NLGN1: variants seen among roughly 807,000 people sequenced by gnomAD.
NLGN1 encodes neuroligin 1.
A neutral mutation model predicts 65.5 loss-of-function variants in NLGN1; 12 were observed. The ratio of observed to expected loss-of-function variants is 0.18; its 90% confidence interval spans 0.12 to 0.30. NLGN1 has a LOEUF of 0.30. Ranked by LOEUF, NLGN1 falls within the 10% of genes least tolerant of loss-of-function variation. The pLI is 1.00. For missense variants in NLGN1, 750 were observed against 1,007.1 expected, an observed-to-expected ratio of 0.74 and a Z score of 3.46; for synonymous variants, 350 against 359.5, an observed-to-expected ratio of 0.97 and a Z score of 0.30.
intron 4 of NLGN1, among the ~76,000 whole-genome samples, chr3:173,944,128 T>G (rs895623207): frequency 1.9e-4 from 27 of 142,252 alleles, no homozygotes; most frequent in African/African-American, 5.1e-4. Flanking sequence ...ATTATGGGTG[T>G]GTGTGTGTGT....
chr3:173,747,547 C>T (rs935934949), intron 3 of NLGN1, among the ~76,000 whole-genome samples: 27 of 150,252 alleles, frequency 1.8e-4, no homozygotes, highest in Admixed American at 4.0e-4. Flanking sequence ...AAGTCCTGTT[C>T]GAATCTCAAG....
chr3:173,611,554 G>T (rs1356257775), intron 3 of NLGN1, among the ~76,000 whole-genome samples: 2 of 152,022 alleles, frequency 1.3e-5, no homozygotes, highest in Non-Finnish European at 2.9e-5. Flanking sequence ...GTTTGAAGAT[G>T]AATGTAAAAC....
chr3:173,539,824 T>C (rs1274104292), intron 2 of NLGN1, among the ~76,000 whole-genome samples: 1 of 132,880 alleles, frequency 7.5e-6, no homozygotes, highest in Non-Finnish European at 1.6e-5. Context: ...ACATATGTTA[T>C]ATATGTATAT....
intron 3 of NLGN1, among the ~76,000 whole-genome samples, chr3:173,724,888 A>G (rs574327156): frequency 1.3e-5 from 2 of 152,292 alleles, no homozygotes; most frequent in East Asian, 3.9e-4. Context: ...TTGTAGGGAC[A>G]TGGACGAAGC....
At chr3:173,862,521 A>G (rs938662503) in intron 4 of NLGN1, among the ~76,000 whole-genome samples, 8 of 150,008 alleles carry the variant, frequency 5.3e-5, no homozygotes, top group South Asian at 4.2e-4. Flanking sequence ...AAAAAAAAAA[A>G]AAAAAAAAAG....
intron 3 of NLGN1, among the ~76,000 whole-genome samples, chr3:173,745,242 A>C (rs1775191616): frequency 6.6e-6 from 1 of 152,034 alleles, no homozygotes; most frequent in African/African-American, 2.4e-5. Context: ...TGAAGAAAAA[A>C]GGGAAACGGA....
intron 4 of NLGN1, among the ~76,000 whole-genome samples, chr3:174,154,874 GTAGA>G (rs1021987733): frequency 1.1e-4 from 13 of 123,180 alleles, no homozygotes; most frequent in Admixed American, 5.0e-4. Flanking sequence ...AGTATATATA[GTAGA>G]TAGATATAAA....
intron 4 of NLGN1, among the ~76,000 whole-genome samples, chr3:173,964,405 G>A (rs1190247864): frequency 6.6e-6 from 1 of 152,162 alleles, no homozygotes; most frequent in African/African-American, 2.4e-5. Context: ...TCAGGAAAGT[G>A]AAGGACTTGC....
chr3:174,057,989 G>A (rs1456420725), intron 4 of NLGN1: 1 of 152,080 alleles, frequency 6.6e-6, no homozygotes, highest in African/African-American at 2.4e-5. Context: ...ATTGGCATAG[G>A]TTATGATTTT....
At chr3:173,866,579 T>C (rs1730221880) in intron 4 of NLGN1, among the ~76,000 whole-genome samples, 1 of 152,196 alleles carries the variant, frequency 6.6e-6, no homozygotes, top group African/African-American at 2.4e-5. Context: ...TCAAATTGAC[T>C]TATATACAGT....
intron 3 of NLGN1, among the ~76,000 whole-genome samples, chr3:173,755,549 G>C (rs1418747146): frequency 6.6e-6 from 1 of 152,046 alleles, no homozygotes; most frequent in African/African-American, 2.4e-5. Flanking sequence ...TGCTGGGATG[G>C]GAAATACCAC....
chr3:173,753,808 CT>C (rs1776655935), intron 3 of NLGN1, among the ~76,000 whole-genome samples: 1 of 151,814 alleles, frequency 6.6e-6, no homozygotes, highest in Non-Finnish European at 1.5e-5. Context: ...GTTCTATTCT[CT>C]CTCTTCTTCA....
chr3:174,202,976 CTTTA>C (rs57605615), intron 4 of NLGN1, among the ~76,000 whole-genome samples: 78,965 of 151,298 alleles, frequency 0.52, 21,206 homozygotes, highest in East Asian at 0.77. Flanking sequence ...AAGGGAAGCA[CTTTA>C]TTTATTTATT....
At chr3:173,532,694 T>A (rs963984675) in intron 2 of NLGN1, among the ~76,000 whole-genome samples, 11 of 152,312 alleles carry the variant, frequency 7.2e-5, no homozygotes, top group Admixed American at 7.2e-4. Context: ...ATTTCTAAGG[T>A]TGGCCACTTA....
At chr3:173,807,831 C>G (rs779083189) in exon 4 of NLGN1, 2 of 1,612,160 alleles carry the variant, frequency 1.2e-6, no homozygotes, top group Non-Finnish European at 1.7e-6. Flanking sequence ...TTGGAGTACT[C>G]GGTAAGAAGA....
intron 4 of NLGN1, among the ~76,000 whole-genome samples, chr3:174,045,082 A>C (rs899021989): frequency 1.3e-5 from 2 of 151,988 alleles, no homozygotes; most frequent in Non-Finnish European, 2.9e-5. Flanking sequence ...AACTGTTCCA[A>C]CCTCTGCCTG....
At chr3:173,848,966 G>A (rs1213437687) in intron 4 of NLGN1, among the ~76,000 whole-genome samples, 1 of 152,072 alleles carries the variant, frequency 6.6e-6, no homozygotes, top group African/African-American at 2.4e-5. Flanking sequence ...TATGTAGAGG[G>A]TGAAGGGTTG....
chr3:174,066,041 AC>A (rs757729350), intron 4 of NLGN1, among the ~76,000 whole-genome samples: 19 of 152,222 alleles, frequency 1.2e-4, no homozygotes, highest in Non-Finnish European at 2.4e-4. Context: ...ACACAGCATT[AC>A]TAATGCACTT....
chr3:173,747,801 C>CTTCTTCTTTT (rs1775714048), intron 3 of NLGN1, among the ~76,000 whole-genome samples: 15 of 64,424 alleles, frequency 2.3e-4, no homozygotes, highest in East Asian at 4.5e-4. Flanking sequence ...TCTTCTTGTT[C>CTTCTTCTTTT]TTTTTTTTTT....
Sources: allele counts gnomAD v4.1 joint callset (sites outside exome capture counted in the v4.1 genomes callset), GRCh38; gene constraint gnomAD v4.1.1; transcripts MANE v1.5; gene names NCBI Gene and HGNC (gene_info 2026-07-23, HGNC 2026-07-21).